Variants in NCKAP5 observed in about 807,000 individuals in gnomAD.
NCKAP5 encodes the protein NCK associated protein 5, also known as nck-associated protein 5.
A neutral mutation model predicts 167.0 loss-of-function variants in NCKAP5; 92 were observed. The observed-to-expected ratio is 0.55, with a 90% CI of 0.47 to 0.66. NCKAP5 has a LOEUF of 0.66. Ranked by LOEUF, NCKAP5 falls within the 30% of genes least tolerant of loss-of-function variation. The pLI, the probability that NCKAP5 is intolerant of heterozygous loss-of-function variation, is 0.00. For missense variants in NCKAP5, 2,378 were observed against 2,315.0 expected (o/e 1.03, Z -0.56); for synonymous variants, 891 against 877.4 (o/e 1.02, Z -0.27).
intron 3 of NCKAP5, among the ~76,000 whole-genome samples, chr2:133,361,251 C>T (rs1373206948): frequency 5.9e-5 from 9 of 152,070 alleles, no homozygotes; most frequent in African/African-American, 1.4e-4. Flanking sequence ...AGAATGTGAG[C>T]GCCTAAGTAG....
At chr2:133,385,650 G>A (rs1184394227) in intron 3 of NCKAP5, among the ~76,000 whole-genome samples, 6 of 152,174 alleles carry the variant, frequency 3.9e-5, no homozygotes, top group African/African-American at 1.4e-4. Flanking sequence ...ACCTCTGGTA[G>A]AATTCGGCTG....
intron 3 of NCKAP5, among the ~76,000 whole-genome samples, chr2:133,377,047 TA>T (rs1686193171): frequency 1.3e-5 from 2 of 152,194 alleles, no homozygotes; most frequent in South Asian, 4.1e-4. Context: ...TAAAAGGTAT[TA>T]GGGGAAACTA....
At chr2:132,792,516 G>A (rs1181313464) in intron 12 of NCKAP5, among the ~76,000 whole-genome samples, 3 of 152,204 alleles carry the variant, frequency 2.0e-5, no homozygotes, top group Non-Finnish European at 2.9e-5. Flanking sequence ...TCTACTGTGT[G>A]CTTTCTGTTT....
chr2:133,266,775 C>A (rs1053871610), intron 4 of NCKAP5, among the ~76,000 whole-genome samples: 7 of 152,194 alleles, frequency 4.6e-5, no homozygotes, highest in Non-Finnish European at 1.5e-5. Flanking sequence ...CGAGCCCTCT[C>A]CTGCCGCGGG....
chr2:133,461,871 C>T (rs929918965), intron 3 of NCKAP5, among the ~76,000 whole-genome samples: 1 of 151,178 alleles, frequency 6.6e-6, no homozygotes, highest in Non-Finnish European at 1.5e-5. Flanking sequence ...TAGGATATGC[C>T]TAATATTTCC....
intron 3 of NCKAP5, among the ~76,000 whole-genome samples, chr2:133,449,881 G>T (rs1397971091): frequency 1.3e-5 from 2 of 151,178 alleles, no homozygotes; most frequent in Admixed American, 1.3e-4. Flanking sequence ...GAACTCGGTT[G>T]CATAGCACAA....
rs979433372 is a variant in NCKAP5 at position 132,785,059 on chromosome 2, G to C, written c.1752C>G (p.Asp584Glu). The change falls in exon 14 of 20, where the codon GAC (aspartate) becomes GAG (glutamate). Residue 584 changes from aspartate (D) to glutamate (E), a missense_variant. Physicochemically the swap from Asp to Glu is conservative, Grantham distance 45. Around this residue, in one of 3 missense-constraint regions of NCKAP5, gnomAD observed 1,049 missense variants for 1,023.4 expected, o/e 1.02. Coordinates refer to ENST00000409261, the MANE Select transcript of NCKAP5 (RefSeq NM_207363.3). ...TGTGCAGCTCATCAAACGTTTCATT[G>C]TCATCAGTGTCTGAAAGCTGGAGGT... The part of the protein sequence containing the change: ...ALNLQLSDTD[D>E]NETFDELHIE... 6.2e-7 allele frequency: 1 copy of C among 1,614,016 alleles called. No individual in the cohort carries two copies. Among genetic ancestry groups the C allele is most frequent in the Non-Finnish European group, 8.5e-7 (1 of 1,179,898 alleles).
At chr2:133,267,722 T>C (rs1247867782) in intron 4 of NCKAP5, among the ~76,000 whole-genome samples, 1 of 152,208 alleles carries the variant, frequency 6.6e-6, no homozygotes, top group Non-Finnish European at 1.5e-5. Context: ...AATAATGACT[T>C]CAAAAATTGA....
At chr2:133,321,942 G>C (rs529184009) in intron 3 of NCKAP5, among the ~76,000 whole-genome samples, 1 of 152,272 alleles carries the variant, frequency 6.6e-6, no homozygotes, top group South Asian at 2.1e-4. Flanking sequence ...ACCATGCCTT[G>C]TCTTAGCTCA....
At chr2:133,332,619 C>G (rs1211631837) in intron 3 of NCKAP5, among the ~76,000 whole-genome samples, 1 of 151,928 alleles carries the variant, frequency 6.6e-6, no homozygotes, top group Admixed American at 6.6e-5. Flanking sequence ...GAAAAAATGT[C>G]CACTGTATTT....
rs188550799 is a variant in NCKAP5 at position 133,146,468 on chromosome 2, A to T, written c.208-16357T>A. Among the ~76,000 whole-genome samples the T allele has an allele frequency of 2.6e-5, 4 of 152,216 alleles. No homozygotes were observed. The East Asian group carries it at 7.7e-4, about 29-fold the overall frequency. ...ATGCTGTTGTACTTTTAGACCCCAA[A>T]TGCAAGGAATCTTTTAATCTGGGAC... On this transcript the variant is annotated intron_variant, in intron 5 of 19. Coordinates refer to ENST00000409261, the MANE Select transcript of NCKAP5 (RefSeq NM_207363.3).
chr2:133,591,810 C>T, the NCKAP5 span, among the ~76,000 whole-genome samples: 6 of 152,252 alleles, frequency 3.9e-5, no homozygotes, highest in African/African-American at 1.2e-4. Flanking sequence ...CTCAAGCCCA[C>T]GACTTTAATT....
Position 132,817,710 on chromosome 2 carries a change from C to T in NCKAP5, c.808-20981G>A, listed in dbSNP as rs955064691. 1.4e-4 allele frequency among the ~76,000 whole-genome samples: 22 copies of T among 152,200 alleles called. 1 individual carries two copies. In the South Asian group the frequency reaches 2.9e-3, roughly 20 times the overall value. ...TCAGTGCCTCTGGTAGGGTTCCCAG[C>T]GCCTGGCCAGGTAGCTCTACATAAA... On this transcript the variant is annotated intron_variant, in intron 11 of 19. Transcript: ENST00000409261.
chr2:132,724,958 G>T (rs1339142814), intron 19 of NCKAP5, among the ~76,000 whole-genome samples: 1 of 151,884 alleles, frequency 6.6e-6, no homozygotes, highest in Non-Finnish European at 1.5e-5. Flanking sequence ...TTAGAAAAAA[G>T]TTGATTAGTA....
chr2:133,356,345 T>A (rs1684715276), intron 3 of NCKAP5, among the ~76,000 whole-genome samples: 1 of 152,176 alleles, frequency 6.6e-6, no homozygotes, highest in Admixed American at 6.5e-5. Flanking sequence ...ATATTATGTG[T>A]ATTGGGGCCC....
intron 3 of NCKAP5, among the ~76,000 whole-genome samples, chr2:133,455,689 G>A (rs1405442553): frequency 6.6e-6 from 1 of 152,018 alleles, no homozygotes; most frequent in Non-Finnish European, 1.5e-5. Context: ...AAAAATAGAA[G>A]ACAATATGAA....
chr2:133,056,895 T>C (rs1269965098), intron 6 of NCKAP5, among the ~76,000 whole-genome samples: 1 of 152,218 alleles, frequency 6.6e-6, no homozygotes, highest in Non-Finnish European at 1.5e-5. Context: ...TTGCAGATTT[T>C]TTTTTAAACA....
intron 9 of NCKAP5, among the ~76,000 whole-genome samples, chr2:132,871,593 G>C (rs958765946): frequency 6.6e-6 from 1 of 152,064 alleles, no homozygotes; most frequent in African/African-American, 2.4e-5. Flanking sequence ...AACTCTAACA[G>C]CCCACAGGAG....
chr2:132,864,727 C>T lies in NCKAP5; in HGVS notation c.688-4116G>A, dbSNP rs544383812. 2.0e-5 allele frequency among the ~76,000 whole-genome samples: 3 copies of T among 152,248 alleles called. 1 individual carries two copies. Among genetic ancestry groups the T allele is most frequent in the South Asian group, 4.1e-4 (2 of 4,828 alleles). On this transcript the variant is annotated intron_variant, in intron 10 of 19. Coordinates refer to ENST00000409261, the MANE Select transcript of NCKAP5 (RefSeq NM_207363.3). ...GAAGCAGGACATACACTAACATGAT[C>T]GCTGGTGTGTCATTGAAAACTATTT...
Sources: allele counts gnomAD v4.1 joint callset (sites outside exome capture counted in the v4.1 genomes callset), GRCh38; gene constraint gnomAD v4.1.1; regional missense constraint gnomAD v4.1.1; transcripts MANE v1.5; gene names NCBI Gene and HGNC (gene_info 2026-07-23, HGNC 2026-07-21).